AMOT: variants seen among roughly 807,000 people sequenced by gnomAD.
AMOT encodes the protein angiomotin.
AMOT carries 11 observed loss-of-function variants against 67.0 expected under a neutral mutation model. The ratio of observed to expected loss-of-function variants is 0.16; its 90% CI spans 0.10 to 0.27. The LOEUF (loss-of-function observed/expected upper bound fraction) is 0.27, where lower values mean the gene tolerates loss of function less well. AMOT is among the 10% of genes least tolerant of loss of function. The pLI is 1.00. For synonymous variants in AMOT, 326 were observed against 321.4 expected, an observed-to-expected ratio of 1.01 and a Z score of -0.15; for missense variants, 753 against 852.0, an observed-to-expected ratio of 0.88 and a Z score of 1.45.
intron 3 of AMOT, among the ~76,000 whole-genome samples, chrX:112,824,282 A>G (rs1445963522): frequency 8.9e-6 from 1 of 112,015 alleles, no homozygotes; most frequent in Non-Finnish European, 1.9e-5. Context: ...ATTGGAATTA[A>G]GTAATAATGT....
At chrX:112,785,446 T>C (rs773839778) in intron 10 of AMOT, among the ~76,000 whole-genome samples, 2 of 112,003 alleles carry the variant, frequency 1.8e-5, no homozygotes, top group African/African-American at 3.3e-5. Flanking sequence ...AGTGGAGCAC[T>C]GTGTTTGAAG....
rs1335541580 is a variant in AMOT at position 112,776,591 on chromosome X, T to C, written c.*1976A>G. 2 of 111,477 alleles carry C rather than the reference T, an allele frequency of 1.8e-5. No individual in the cohort carries two copies. Among genetic ancestry groups the C allele is most frequent in the Non-Finnish European group, 3.8e-5 (2 of 52,995 alleles). 9.2% of individuals were successfully genotyped at this position (111,477 alleles called of 1,213,427 possible). A position where few individuals can be genotyped will look rare whatever the true frequency, so the allele number is the denominator to read the frequency against. ...CACACAGGCACACACACAAAATAAT[T>C]CCTTTGGAAGATAATTAGGAAGGAT... On this transcript the variant is annotated 3_prime_UTR_variant, in exon 14 of 14. Coordinates refer to ENST00000371959, the MANE Select transcript of AMOT (RefSeq NM_001113490.2).
chrX:112,776,043 G>A lies in AMOT; in HGVS notation c.*2524C>T, dbSNP rs1384627106. 8.9e-6 allele frequency: 1 copy of A among 112,532 alleles called. No homozygotes were observed. Among genetic ancestry groups the A allele is most frequent in the South Asian group, 3.7e-4 (1 of 2,736 alleles). 9.3% of individuals were successfully genotyped at this position (112,532 alleles called of 1,213,427 possible). The stretch of plus-strand genomic sequence containing the variant: ...CATACTCTTCTTCCCTCTCTTGGAT[G>A]TACAATGTTATTTTAGCAAATTATC... On this transcript the variant is annotated 3_prime_UTR_variant, in exon 14 of 14. Coordinates refer to ENST00000371959, the MANE Select transcript of AMOT (RefSeq NM_001113490.2).
chrX:112,786,878 C>A lies in AMOT; in HGVS notation c.2117+3714G>T, dbSNP rs889448428. 1.1e-3 allele frequency among the ~76,000 whole-genome samples: 119 copies of A among 112,163 alleles called. 2 individuals are homozygous for A. The highest frequency in any genetic ancestry group is 3.6e-3 in the African/African-American group (111 of 30,946). The stretch of plus-strand genomic sequence containing the variant: ...GTATCAAATACTCATTTTAGATATG[C>A]CAAAATATCTTCAATTTTCTCTCTC... On this transcript the variant is annotated intron_variant, in intron 10 of 13. Coordinates refer to ENST00000371959, the MANE Select transcript of AMOT (RefSeq NM_001113490.2).
At chrX:112,826,246 C>T (rs1331305763) in intron 2 of AMOT, among the ~76,000 whole-genome samples, 2 of 111,901 alleles carry the variant, frequency 1.8e-5, no homozygotes, top group African/African-American at 6.5e-5. Context: ...TAATCCACAC[C>T]AGTGACTCCA....
rs765531276 is a variant in AMOT at position 112,779,685 on chromosome X, A to C, written c.2474-5T>G. The C allele has an allele frequency of 5.1e-6, 6 of 1,172,834 alleles. No homozygotes were observed. On this transcript the variant is annotated splice_polypyrimidine_tract_variant and splice_region_variant and intron_variant, in intron 12 of 13. Coordinates refer to ENST00000371959, the MANE Select transcript of AMOT (RefSeq NM_001113490.2). ...AGTCTCCACCCAGGAGAATGCCTAC[A>C]AATGAAAGAGGAACAGATGTTAGAA...
intron 10 of AMOT, among the ~76,000 whole-genome samples, chrX:112,788,238 G>A (rs750547872): frequency 1.5e-4 from 16 of 107,676 alleles, no homozygotes; most frequent in Non-Finnish European, 2.3e-4. Context: ...GCAGTGAGCC[G>A]AGATAGCACC....
intron 10 of AMOT, among the ~76,000 whole-genome samples, chrX:112,785,276 CCTT>C (rs1280424650): frequency 4.5e-5 from 5 of 112,292 alleles, no homozygotes; most frequent in East Asian, 2.8e-4. Flanking sequence ...TCTTCTTTCT[CCTT>C]CTTTTTTTTG....
chrX:112,822,134 G>A, intron 4 of AMOT, 121 bp downstream of exon 4: 1 of 916,264 alleles, frequency 1.1e-6, no homozygotes, highest in Non-Finnish European at 1.4e-6. Flanking sequence ...CCAGAGGCCT[G>A]TCATGCATTG....
chrX:112,834,342 T>G (rs1935078996), intron 1 of AMOT, among the ~76,000 whole-genome samples: 1 of 111,259 alleles, frequency 9.0e-6, no homozygotes, highest in African/African-American at 3.3e-5. Context: ...GGAGAGCAGA[T>G]CGTTTGTCCA....
intron 2 of AMOT, among the ~76,000 whole-genome samples, chrX:112,825,945 T>C (rs1349919185): frequency 9.2e-6 from 1 of 108,316 alleles, no homozygotes; most frequent in Non-Finnish European, 1.9e-5. Context: ...GCGCAACCCT[T>C]CTCCAAGCAG....
intron 10 of AMOT, among the ~76,000 whole-genome samples, chrX:112,784,524 C>T (rs1361788970): frequency 8.9e-6 from 1 of 112,004 alleles, no homozygotes; most frequent in East Asian, 2.8e-4. Flanking sequence ...GAGTTCAAGG[C>T]TGCAGTCAGT....
intron 8 of AMOT, among the ~76,000 whole-genome samples, chrX:112,802,420 G>A (rs574212815): frequency 3.6e-5 from 4 of 112,571 alleles, no homozygotes; most frequent in African/African-American, 1.3e-4. Context: ...AACAAAAAGG[G>A]AAATAAGAAC....
chrX:112,833,164 A>C lies in AMOT; in HGVS notation c.-288-794T>G, dbSNP rs114792652. Among the ~76,000 whole-genome samples the C allele has an allele frequency of 4.1e-3, 457 of 111,953 alleles. 2 individuals carry two copies. The highest frequency in any genetic ancestry group is 0.014 in the African/African-American group (436 of 30,812). On this transcript the variant is annotated intron_variant, in intron 1 of 13. Transcript: ENST00000371959. ...CTAGGTACAGAATGACCGTCACCTA[A>C]AGTGATGCGGGGAAAGGAGGGCCAC...
At chrX:112,815,103 T>C (rs1467846626) in intron 5 of AMOT, among the ~76,000 whole-genome samples, 2 of 112,147 alleles carry the variant, frequency 1.8e-5, no homozygotes, top group Admixed American at 9.4e-5. Flanking sequence ...TCACGTTTTC[T>C]TTAGGGCTAT....
At position 112,775,276 on chromosome X, in the gene AMOT, C is replaced by T. The variant is rs934313653; in HGVS notation, c.*3291G>A. On this transcript the variant is annotated 3_prime_UTR_variant, in exon 14 of 14. Coordinates refer to ENST00000371959, the MANE Select transcript of AMOT (RefSeq NM_001113490.2). ...TGATACCTTCCTTTGAAAACATTTT[C>T]AGTAAGAATGCACACGTTTTAAGTA... 4 of 112,767 alleles carry T rather than the reference C, an allele frequency of 3.5e-5. No individual in the cohort carries two copies. The highest frequency in any genetic ancestry group is 7.5e-5 in the Non-Finnish European group (4 of 53,307). 9.3% of individuals were successfully genotyped at this position (112,767 alleles called of 1,213,427 possible). A position where few individuals can be genotyped will look rare whatever the true frequency, so the allele number is the denominator to read the frequency against.
At chrX:112,787,653 A>G (rs1933411859) in intron 10 of AMOT, among the ~76,000 whole-genome samples, 1 of 111,276 alleles carries the variant, frequency 9.0e-6, no homozygotes, top group African/African-American at 3.3e-5. Flanking sequence ...ATTTTTTAAT[A>G]TGTAACCAAT....
chrX:112,795,644 C>T (rs757074012), intron 8 of AMOT, among the ~76,000 whole-genome samples: 7 of 111,185 alleles, frequency 6.3e-5, no homozygotes, highest in Non-Finnish European at 1.1e-4. Context: ...AGTTGGCAAA[C>T]CCCTGGAGAG....
chrX:112,791,732 C>T lies in AMOT; in HGVS notation c.1926+100G>A, dbSNP rs1474798109. 7.7e-6 allele frequency: 8 copies of T among 1,038,391 alleles called. No individual in the cohort carries two copies. In the East Asian group the frequency reaches 2.4e-4, roughly 32 times the overall value. The allele number at this position is 1,038,391 out of a possible 1,213,427, so 85.6% of individuals were successfully genotyped here. On this transcript the variant is annotated intron_variant, in intron 9 of 13. Coordinates refer to ENST00000371959, the MANE Select transcript of AMOT (RefSeq NM_001113490.2). ...AAATGTAAAAATGAGCAAGTGTGTG[C>T]TTTCAGTGTTCATGTCAAATGCTAA...
Sources: gnomAD v4.1 joint callset for allele counts (sites outside exome capture counted in the v4.1 genomes callset) on GRCh38, gnomAD v4.1.1 for gene constraint, MANE v1.5 for transcripts, NCBI Gene and HGNC (gene_info 2026-07-23, HGNC 2026-07-21) for gene names.